Variants in FOXN3 observed in about 807,000 individuals in gnomAD.
The protein encoded by FOXN3 is forkhead box protein N3.
A neutral mutation model predicts 38.4 loss-of-function variants in FOXN3; 7 were observed. That is an observed-to-expected ratio of 0.18 (90% CI 0.10 to 0.34). FOXN3 has a LOEUF of 0.34. Ranked by LOEUF, FOXN3 falls within the 10% of genes least tolerant of loss-of-function variation. The pLI, the probability that FOXN3 is intolerant of heterozygous loss-of-function variation, is 1.00. For missense variants in FOXN3, 456 were observed against 613.4 expected, an observed-to-expected ratio of 0.74 and a Z score of 2.71; for synonymous variants, 230 against 242.2, an observed-to-expected ratio of 0.95 and a Z score of 0.47.
chr14:89,506,133 G>A (rs553425466), intron 1 of FOXN3, among the ~76,000 whole-genome samples: 13 of 119,546 alleles, frequency 1.1e-4, no homozygotes, highest in African/African-American at 2.1e-4. Context: ...GCCTCTGCCC[G>A]GCCGCCCCTA....
At chr14:89,365,009 T>C (rs1890095283) in intron 2 of FOXN3, among the ~76,000 whole-genome samples, 1 of 152,230 alleles carries the variant, frequency 6.6e-6, no homozygotes, top group Non-Finnish European at 1.5e-5. Flanking sequence ...AATAATCCCA[T>C]GATTTGCCTA....
intron 1 of FOXN3, among the ~76,000 whole-genome samples, chr14:89,467,231 A>G (rs576839836): frequency 3.9e-4 from 60 of 152,216 alleles, no homozygotes; most frequent in African/African-American, 1.4e-3. Flanking sequence ...CATCCAGCAG[A>G]GACTGGTGTG....
Position 89,452,965 on chromosome 14 carries a change from G to A in FOXN3, c.-14-40475C>T, listed in dbSNP as rs114287230. ...AGTAATCCCAGCACTTTGGAAGGCCGAGATGGGCAGATCATCTGAGGTCAG... is the reference window on the plus strand; with the variant it reads ...AGTAATCCCAGCACTTTGGAAGGCCAAGATGGGCAGATCATCTGAGGTCAG... On this transcript the variant is annotated intron_variant, in intron 1 of 6. Transcript: ENST00000345097. 4.3e-3 allele frequency among the ~76,000 whole-genome samples: 653 copies of A among 152,266 alleles called. 3 individuals carry two copies. The highest frequency in any genetic ancestry group is 0.015 in the African/African-American group (618 of 41,540).
chr14:89,323,441 C>A (rs1451848874), intron 3 of FOXN3, among the ~76,000 whole-genome samples: 3 of 151,980 alleles, frequency 2.0e-5, no homozygotes, highest in South Asian at 4.1e-4. Context: ...GAGGACCCGG[C>A]TGGGCACAGT....
At chr14:89,549,118 A>G (rs1362537813) in intron 1 of FOXN3, among the ~76,000 whole-genome samples, 1 of 129,794 alleles carries the variant, frequency 7.7e-6, no homozygotes, top group South Asian at 2.2e-4. Flanking sequence ...GACTCCATCT[A>G]AAAAAAAAAA....
At chr14:89,406,076 A>G (rs1596256286) in intron 2 of FOXN3, among the ~76,000 whole-genome samples, 1 of 152,246 alleles carries the variant, frequency 6.6e-6, no homozygotes, top group African/African-American at 2.4e-5. Context: ...CCTCCTGAGT[A>G]GCCGGGACTA....
intron 4 of FOXN3, among the ~76,000 whole-genome samples, chr14:89,232,178 G>T (rs1008581693): frequency 6.6e-6 from 1 of 152,226 alleles, no homozygotes; most frequent in Non-Finnish European, 1.5e-5. Context: ...TGACCTGCTA[G>T]TAACCTGGGC....
Position 89,466,455 on chromosome 14 carries a change from G to A in FOXN3, c.-14-53965C>T, listed in dbSNP as rs557147243. 1.6e-4 allele frequency among the ~76,000 whole-genome samples: 24 copies of A among 152,256 alleles called. No individual in the cohort carries two copies. The East Asian group carries it at 4.4e-3, about 28-fold the overall frequency. ...AGTTGCTTTCTAAGGCCTCTTGACT[G>A]CTCAGATAACTGTTTTGCCCAAGAG... On this transcript the variant is annotated intron_variant, in intron 1 of 6. Coordinates refer to the FOXN3 transcript ENST00000345097.
At chr14:89,463,542 G>A (rs1163295457) in intron 1 of FOXN3, among the ~76,000 whole-genome samples, 2 of 152,196 alleles carry the variant, frequency 1.3e-5, no homozygotes, top group Non-Finnish European at 2.9e-5. Flanking sequence ...TCCTAGCCAA[G>A]TACACTGGGT....
At chr14:89,233,557 T>A (rs572070833) in intron 4 of FOXN3, among the ~76,000 whole-genome samples, 5 of 152,350 alleles carry the variant, frequency 3.3e-5, no homozygotes, top group Admixed American at 3.3e-4. Context: ...TTCCTGAAGG[T>A]CAACAGTTCC....
At chr14:89,489,877 C>T (rs1264456316) in intron 1 of FOXN3, among the ~76,000 whole-genome samples, 1 of 152,224 alleles carries the variant, frequency 6.6e-6, no homozygotes, top group Non-Finnish European at 1.5e-5. Context: ...CACACACATG[C>T]ACGCACATCT....
chr14:89,537,953 CAAT>C (rs904742829), intron 1 of FOXN3, among the ~76,000 whole-genome samples: 1 of 152,158 alleles, frequency 6.6e-6, no homozygotes, highest in Non-Finnish European at 1.5e-5. Context: ...AATTAGATAA[CAAT>C]AATAATACCA....
At chr14:89,306,472 A>G (rs1023990551) in intron 3 of FOXN3, among the ~76,000 whole-genome samples, 2 of 151,758 alleles carry the variant, frequency 1.3e-5, no homozygotes, top group African/African-American at 4.8e-5. Flanking sequence ...GGTTCACGCT[A>G]TTCTCCTGCC....
intron 1 of FOXN3, among the ~76,000 whole-genome samples, chr14:89,482,099 C>CT (rs1893343613): frequency 6.6e-6 from 1 of 152,250 alleles, no homozygotes; most frequent in East Asian, 1.9e-4. Context: ...TTTATTTGAA[C>CT]TTTTCTTAAA....
chr14:89,360,778 C>CACCACCTCCAG (rs1566966469), intron 2 of FOXN3, among the ~76,000 whole-genome samples: 21 of 24,874 alleles, frequency 8.4e-4, no homozygotes, highest in Admixed American at 1.7e-3. Context: ...ACCACCTCCA[C>CACCACCTCCAG]CACCACCTCC....
chr14:89,374,978 G>GA (rs71460268), intron 2 of FOXN3, among the ~76,000 whole-genome samples: 4,217 of 87,420 alleles, frequency 0.048, 204 homozygotes, highest in African/African-American at 0.15. Flanking sequence ...CTCCGTCTCA[G>GA]AAAAAAAAAA....
intron 4 of FOXN3, among the ~76,000 whole-genome samples, chr14:89,215,707 G>A (rs1451258166): frequency 6.6e-6 from 1 of 152,166 alleles, no homozygotes; most frequent in Non-Finnish European, 1.5e-5. Context: ...ATGAAATGCA[G>A]AAGAAAAGTG....
At chr14:89,523,231 A>T (rs1894357882) in intron 1 of FOXN3, among the ~76,000 whole-genome samples, 1 of 152,226 alleles carries the variant, frequency 6.6e-6, no homozygotes, top group Non-Finnish European at 1.5e-5. Flanking sequence ...GTAATAGAAC[A>T]TCGAGGAAAA....
At position 89,160,227 on chromosome 14, in the gene FOXN3, C is replaced by T. The variant is rs1887066322; in HGVS notation, c.*2187G>A. ...TCTCTTTGTACCCCCGCCCCCCGCC[C>T]CCGCCATTAAAGAAAATTTCTTAGG... On this transcript the variant is annotated 3_prime_UTR_variant, in exon 6 of 6. Coordinates refer to ENST00000557258, the MANE Select transcript of FOXN3 (RefSeq NM_005197.4). The T allele has an allele frequency of 8.7e-6, 1 of 115,416 alleles. No homozygotes were observed. The highest frequency in any genetic ancestry group is 3.2e-5 in the African/African-American group (1 of 30,824). 7.1% of individuals were successfully genotyped at this position (115,416 alleles called of 1,614,324 possible). A position where few individuals can be genotyped will look rare whatever the true frequency, so the allele number is the denominator to read the frequency against.
Sources: allele counts gnomAD v4.1 joint callset (sites outside exome capture counted in the v4.1 genomes callset), GRCh38; gene constraint gnomAD v4.1.1; transcripts MANE v1.5; gene names NCBI Gene and HGNC (gene_info 2026-07-23, HGNC 2026-07-21).